NCMAP: variants seen among roughly 807,000 people sequenced by gnomAD.
NCMAP encodes the protein non-compact myelin associated protein.
In NCMAP, 8 loss-of-function variants were observed where a neutral mutation model predicts 7.8. The observed-to-expected ratio is 1.02, with a 90% confidence interval of 0.60 to 1.84. NCMAP has a LOEUF of 1.84. Ranked by LOEUF, NCMAP falls within the 40% of genes most tolerant of loss-of-function variation. NCMAP has a pLI of 0.00. For synonymous variants in NCMAP, 41 were observed against 52.9 expected, an observed-to-expected ratio of 0.78 and a Z score of 0.98; for missense variants, 112 against 131.4, an observed-to-expected ratio of 0.85 and a Z score of 0.72.
intron 1 of NCMAP, among the ~76,000 whole-genome samples, chr1:24,568,306 G>C (rs766871451): frequency 6.6e-6 from 1 of 152,168 alleles, no homozygotes; most frequent in Non-Finnish European, 1.5e-5. Context: ...GGAAGGAGAG[G>C]GAAACAAGTT....
At chr1:24,590,047 G>A (rs990992101) in intron 1 of NCMAP, among the ~76,000 whole-genome samples, 10 of 152,084 alleles carry the variant, frequency 6.6e-5, no homozygotes, top group Non-Finnish European at 8.8e-5. Flanking sequence ...TGATCCACCC[G>A]CCTTGGCCTC....
chr1:24,577,412 T>TG, intron 1 of NCMAP, among the ~76,000 whole-genome samples: 12 of 145,254 alleles, frequency 8.3e-5, no homozygotes, highest in African/African-American at 3.1e-4. Flanking sequence ...TTTTTTTTTT[T>TG]TTTTTTTTTT....
At chr1:24,581,034 A>G (rs1012135742) in intron 1 of NCMAP, among the ~76,000 whole-genome samples, 1 of 145,512 alleles carries the variant, frequency 6.9e-6, no homozygotes, top group Non-Finnish European at 1.5e-5. Flanking sequence ...TGATTCCTTC[A>G]CTGTCATGTG....
intron 2 of NCMAP, among the ~76,000 whole-genome samples, chr1:24,597,649 AAG>A (rs1435221892): frequency 7.4e-4 from 104 of 139,622 alleles, no homozygotes; most frequent in African/African-American, 2.7e-3. Flanking sequence ...GAAAGAAAGA[AAG>A]AAAGAAAGAA....
intron 1 of NCMAP, among the ~76,000 whole-genome samples, chr1:24,562,959 A>T (rs2809963): frequency 0.27 from 40,686 of 151,492 alleles, 6,386 homozygotes; most frequent in East Asian, 0.48. Context: ...ATTACCAGAC[A>T]GAGAGCTGGC....
At position 24,607,346 on chromosome 1, in the gene NCMAP, A is replaced by G. The variant is rs1426007268; in HGVS notation, c.*1599A>G. On this transcript the variant is annotated 3_prime_UTR_variant, in exon 4 of 4. Transcript: ENST00000374392. ...ATTATAGGCTTTTTTTTCAATTGCA[A>G]GATAGACATTTCTTCACATTTTAAT... 2.6e-5 allele frequency: 4 copies of G among 151,906 alleles called. No homozygotes were observed. The highest frequency in any genetic ancestry group is 9.7e-5 in the African/African-American group (4 of 41,254). 9.4% of individuals were successfully genotyped at this position (151,906 alleles called of 1,614,324 possible). A position where few individuals can be genotyped will look rare whatever the true frequency, so the allele number is the denominator to read the frequency against.
intron 1 of NCMAP, among the ~76,000 whole-genome samples, chr1:24,585,992 G>T (rs938766932): frequency 3.3e-5 from 5 of 152,198 alleles, no homozygotes; most frequent in African/African-American, 9.7e-5. Context: ...AGAGAGCAGG[G>T]AGAACACAGA....
chr1:24,569,485 C>G (rs1378160748), intron 1 of NCMAP, among the ~76,000 whole-genome samples: 1 of 150,454 alleles, frequency 6.6e-6, no homozygotes. Flanking sequence ...TTCTTCCCTT[C>G]CCACCTCATA....
chr1:24,582,412 C>T (rs1426493551), intron 1 of NCMAP, among the ~76,000 whole-genome samples: 1 of 152,188 alleles, frequency 6.6e-6, no homozygotes, highest in Non-Finnish European at 1.5e-5. Flanking sequence ...TAATTAAGTT[C>T]ATGACTTTGA....
intron 1 of NCMAP, among the ~76,000 whole-genome samples, chr1:24,593,855 C>T (rs1049604985): frequency 2.8e-5 from 4 of 141,242 alleles, no homozygotes; most frequent in African/African-American, 5.2e-5. Context: ...TAGTTCAGAG[C>T]GATTATTTAT....
intron 1 of NCMAP, among the ~76,000 whole-genome samples, chr1:24,588,162 G>A (rs1242537961): frequency 6.6e-6 from 1 of 151,966 alleles, no homozygotes; most frequent in African/African-American, 2.4e-5. Context: ...GCTCACTGCA[G>A]CCTCAAACTC....
intron 1 of NCMAP, among the ~76,000 whole-genome samples, chr1:24,575,908 G>C (rs560777591): frequency 2.0e-5 from 2 of 98,430 alleles, no homozygotes; most frequent in East Asian, 5.9e-4. Flanking sequence ...TCGCACCATT[G>C]CACTCTCAAA....
chr1:24,574,405 C>T (rs550764502), intron 1 of NCMAP, among the ~76,000 whole-genome samples: 1 of 152,096 alleles, frequency 6.6e-6, no homozygotes, highest in Non-Finnish European at 1.5e-5. Flanking sequence ...AGGCATGAGC[C>T]ACCGCGCCCG....
rs1466365134 is a variant in NCMAP, at chr1:24,608,244, A to G, written c.*2497A>G. The G allele has an allele frequency of 6.6e-6, 1 of 152,244 alleles. No homozygotes were observed. The highest frequency in any genetic ancestry group is 2.4e-5 in the African/African-American group (1 of 41,466). The allele number at this position is 152,244 out of a possible 1,614,324, so 9.4% of individuals were successfully genotyped here. On this transcript the variant is annotated 3_prime_UTR_variant, in exon 4 of 4. Coordinates refer to ENST00000374392, the MANE Select transcript of NCMAP (RefSeq NM_001010980.5). The stretch of plus-strand genomic sequence containing the variant: ...ACTCAAAACCAGGTCTCTTGACTCC[A>G]AAGTCTGTCTTTTTTGTGAAGTCAC...
intron 1 of NCMAP, among the ~76,000 whole-genome samples, chr1:24,583,594 T>C (rs566403617): frequency 6.6e-6 from 1 of 151,940 alleles, no homozygotes; most frequent in South Asian, 2.1e-4. Flanking sequence ...CGCACATCTG[T>C]AATCCTAGCT....
At chr1:24,575,137 G>T (rs1290966069) in intron 1 of NCMAP, among the ~76,000 whole-genome samples, 2 of 151,842 alleles carry the variant, frequency 1.3e-5, no homozygotes, top group Non-Finnish European at 2.9e-5. Flanking sequence ...TTAATTTCTG[G>T]GAGGCGGAGG....
chr1:24,588,975 T>C (rs1351880455), intron 1 of NCMAP, among the ~76,000 whole-genome samples: 1 of 152,332 alleles, frequency 6.6e-6, no homozygotes, highest in East Asian at 1.9e-4. Context: ...AAGAAGGGGC[T>C]GTGAAATCGG....
At chr1:24,591,330 A>G (rs940404043) in intron 1 of NCMAP, among the ~76,000 whole-genome samples, 5 of 151,988 alleles carry the variant, frequency 3.3e-5, no homozygotes, top group Non-Finnish European at 7.4e-5. Context: ...CAGTGGCGCA[A>G]TCTTGGCTCA....
At chr1:24,594,001 C>T (rs1018355908) in intron 1 of NCMAP, among the ~76,000 whole-genome samples, 2 of 152,040 alleles carry the variant, frequency 1.3e-5, no homozygotes, top group Non-Finnish European at 2.9e-5. Flanking sequence ...AAGTGATCCT[C>T]CTGCCTCAGC....
Sources: allele counts gnomAD v4.1 joint callset (sites outside exome capture counted in the v4.1 genomes callset), GRCh38; gene constraint gnomAD v4.1.1; transcripts MANE v1.5; gene names NCBI Gene and HGNC (gene_info 2026-07-23, HGNC 2026-07-21).